The following SETD1B variants were observed in gnomAD, a reference collection of about 807,000 sequenced individuals.
The protein encoded by SETD1B is SET domain containing 1B, histone lysine methyltransferase, also known as histone-lysine N-methyltransferase SETD1B.
A neutral mutation model predicts 148.0 loss-of-function variants in SETD1B; 7 were observed. That is an observed-to-expected ratio of 0.05 (90% CI 0.03 to 0.09). SETD1B has a LOEUF of 0.09. Ranked by LOEUF, SETD1B falls within the 10% of genes least tolerant of loss-of-function variation. The pLI, the probability that SETD1B is intolerant of heterozygous loss-of-function variation, is 1.00. For synonymous variants in SETD1B, 1,361 were observed against 1,186.5 expected (o/e 1.15, Z -3.02); for missense variants, 2,155 against 2,729.9 (o/e 0.79, Z 4.69).
In SETD1B at chr12:121,809,585, ATC is replaced by A. The variant is rs1204122564; in HGVS notation, c.658-14_658-13del. On this transcript the variant is annotated splice_polypyrimidine_tract_variant and intron_variant, in intron 5 of 16. Coordinates refer to ENST00000604567, the MANE Select transcript of SETD1B (RefSeq NM_001353345.2). Reference sequence around the variant, plus strand: ...GCATGTTTTCCCCCAGTGGTCTGACATCTCTGTCTCTCCTTAGCTGTCAGATG... The same window carrying A: ...GCATGTTTTCCCCCAGTGGTCTGACATCTGTCTCTCCTTAGCTGTCAGATG... The A allele has an allele frequency of 1.3e-6, 2 of 1,526,288 alleles. No individual in the cohort carries two copies. Among genetic ancestry groups the A allele is most frequent in the African/African-American group, 2.8e-5 (2 of 72,416 alleles). 94.5% of individuals were successfully genotyped at this position (1,526,288 alleles called of 1,614,324 possible).
Position 121,817,056 on chromosome 12 carries a change from G to A in SETD1B, c.2739G>A (p.Ser913=), listed in dbSNP as rs1210009049. ...AGGCCTCGCTGACCCCGGTGAAGTCGGGCGAGCACAAGGACGAGGACAGGC... is the reference window on the plus strand; with the variant it reads ...AGGCCTCGCTGACCCCGGTGAAGTCAGGCGAGCACAAGGACGAGGACAGGC... ...MAKASLTPVK[S]GEHKDEDRPK... is the part of the protein sequence containing the mutation. The change falls in exon 8 of 17, where the codon TCG becomes TCA. Residue 913 remains serine (S), a synonymous_variant. Coordinates refer to ENST00000604567, the MANE Select transcript of SETD1B (RefSeq NM_001353345.2). The surrounding 1 kb of genome is among the most constrained non-coding windows in gnomAD (Gnocchi z 8.1). 5.9e-6 allele frequency: 9 copies of A among 1,532,360 alleles called. No individual in the cohort carries two copies. The highest frequency in any genetic ancestry group is 4.9e-5 in the East Asian group (2 of 40,480). The allele number at this position is 1,532,360 out of a possible 1,614,324, so 94.9% of individuals were successfully genotyped here. A position where few individuals can be genotyped will look rare whatever the true frequency, so the allele number is the denominator to read the frequency against.
rs959570677 is a variant in SETD1B at position 121,817,859 on chromosome 12, G to C, written c.3373G>C (p.Ala1125Pro). 1.9e-6 allele frequency: 3 copies of C among 1,551,018 alleles called. No homozygotes were observed. The African/African-American group carries it at 4.1e-5, about 21-fold the overall frequency. Residue 1125 changes from alanine (A) to proline (P), a missense_variant, in exon 10 of 17, where the codon GCC (alanine) becomes CCC (proline). By Grantham distance (27) the Ala-to-Pro change is conservative (BLOSUM62 -1). Transcript: ENST00000604567. The surrounding 1 kb of genome is among the most constrained non-coding windows in gnomAD (Gnocchi z 8.1). ...GTCTGAGAACGATGACGAGGACACA[G>C]CCCTGTCAGAGGCGAGTGAGAAGGA... ...DESENDDEDT[A>P]LSEASEKDEG...
At chr12:121,821,252 C>T (rs1195995161) in intron 11 of SETD1B, among the ~76,000 whole-genome samples, 1 of 152,084 alleles carries the variant, frequency 6.6e-6, no homozygotes, top group Non-Finnish European at 1.5e-5. Context: ...TCTGCTCCCA[C>T]GGAGCAGGGG....
chr12:121,793,986 G>C, the SETD1B span: 1 of 206,354 alleles, frequency 4.8e-6, no homozygotes, highest in African/African-American at 2.3e-5. Flanking sequence ...TGATTAGCAG[G>C]CTCCGCCTTC....
intron 13 of SETD1B, 119 bp from the exon 14 acceptor site, chr12:121,827,400 T>G (rs929867716): frequency 4.0e-6 from 5 of 1,261,246 alleles, no homozygotes; most frequent in Non-Finnish European, 4.2e-6. Flanking sequence ...GACCGACAGG[T>G]GTGGAGAAGC....
chr12:121,797,470 G>C, the SETD1B span: 2 of 456,512 alleles, frequency 4.4e-6, no homozygotes, highest in Admixed American at 4.7e-5. Flanking sequence ...AGAGGTGATG[G>C]TGGGGGGACA....
chr12:121,798,207 AC>A, the SETD1B span, among the ~76,000 whole-genome samples: 23 of 152,202 alleles, frequency 1.5e-4, no homozygotes, highest in Non-Finnish European at 3.1e-4. Flanking sequence ...TTGGGGAGTC[AC>A]TTCTCCCCGG....
Position 121,827,658 on chromosome 12 carries a change from C to T in SETD1B, c.5469+8C>T, listed in dbSNP as rs747323385. ...AAGTTCAACCAGCTCAAGGTGAGGC[C>T]GGGCTTCACCCAGATCGCCGGGGTG... On this transcript the variant is annotated splice_region_variant and intron_variant, in intron 14 of 16. Coordinates refer to ENST00000604567, the MANE Select transcript of SETD1B (RefSeq NM_001353345.2). 103 of 1,551,562 alleles carry T rather than the reference C, an allele frequency of 6.6e-5. 1 individual carries two copies. The highest frequency in any genetic ancestry group is 1.6e-4 in the Admixed American group (8 of 51,008).
the SETD1B span, among the ~76,000 whole-genome samples, chr12:121,791,599 AT>A: frequency 2.0e-5 from 3 of 152,084 alleles, no homozygotes; most frequent in Non-Finnish European, 4.4e-5. Context: ...CTTAGCACAA[AT>A]TCTTCCTACA....
rs1221941974 is a variant in SETD1B at position 121,810,226 on chromosome 12, G to C, written c.1281G>C (p.Glu427Asp). Residue 427 changes from glutamate to aspartate, a missense_variant, in exon 6 of 17, where the codon GAG becomes GAC. By Grantham distance (45) the Glu-to-Asp change is conservative (BLOSUM62 2). This residue lies in a region of SETD1B where 376 missense variants were observed against 385.0 expected (regional missense o/e 0.98). Coordinates refer to ENST00000604567, the MANE Select transcript of SETD1B (RefSeq NM_001353345.2). This position sits in a 1 kb window ranked among gnomAD's most constrained non-coding sequence, Gnocchi z 7.6. The stretch of plus-strand genomic sequence containing the variant: ...CTTTTGGGGCCCGCGACAGTGGGGA[G>C]TTCCGGAGGGCACCGGCGCCCCCAC... ...TAAFGARDSG[E>D]FRRAPAPPPL... 3.9e-6 allele frequency: 6 copies of C among 1,548,654 alleles called. No homozygotes were observed. The highest frequency in any genetic ancestry group is 4.4e-6 in the Non-Finnish European group (5 of 1,146,852).
At chr12:121,821,401 T>G (rs989206279) in intron 11 of SETD1B, among the ~76,000 whole-genome samples, 19 of 147,106 alleles carry the variant, frequency 1.3e-4, no homozygotes, top group Non-Finnish European at 2.7e-4. Context: ...CGTGCCACAC[T>G]GCACTCCAGC....
chr12:121,793,336 A>C, the SETD1B span: 3 of 1,438,072 alleles, frequency 2.1e-6, no homozygotes, highest in South Asian at 3.7e-5. Context: ...GTCCCGGATC[A>C]GCCCCCCCTC....
chr12:121,794,447 G>A, the SETD1B span: 4 of 152,312 alleles, frequency 2.6e-5, no homozygotes, highest in African/African-American at 7.2e-5. Flanking sequence ...AACCACGCAA[G>A]ACGTCGTCAG....
Position 121,819,426 on chromosome 12 carries a change from C to T in SETD1B, c.3441C>T (p.Thr1147=), listed in dbSNP as rs1235667734. ...SDEEETVSIV[T]SKAEATSSSE... ...CAGAGGAGACAGTGAGCATTGTAAC[C>T]TCCAAGGCCGAAGCCACGTCGTCCA... The change falls in exon 11 of 17, where the codon ACC becomes ACT. Residue 1147 remains threonine (T), a synonymous_variant. Transcript: ENST00000604567. 5.8e-6 allele frequency: 9 copies of T among 1,551,712 alleles called. No individual in the cohort carries two copies. Among genetic ancestry groups the T allele is most frequent in the Admixed American group, 2.0e-5 (1 of 50,966 alleles).
intron 11 of SETD1B, among the ~76,000 whole-genome samples, chr12:121,820,651 A>C (rs1365630347): frequency 1.3e-5 from 2 of 152,128 alleles, no homozygotes; most frequent in Non-Finnish European, 2.9e-5. Flanking sequence ...CTCCTGCCTC[A>C]GCCTCCAGAG....
At chr12:121,827,698 G>C in intron 14 of SETD1B, 37 bp from the exon 15 acceptor site, 1 of 1,551,698 alleles carries the variant, frequency 6.4e-7, no homozygotes. Context: ...CAGGACCTGA[G>C]ACCGGGGCTC....
chr12:121,806,201 T>G, intron 4 of SETD1B, 96 bp downstream of exon 4: 1 of 1,324,264 alleles, frequency 7.6e-7, no homozygotes, highest in Non-Finnish European at 1.0e-6. Flanking sequence ...CCCCTCACTC[T>G]TCCTTGGGAT....
At chr12:121,793,470 C>T in the SETD1B span, 2 of 1,538,738 alleles carry the variant, frequency 1.3e-6, no homozygotes, top group African/African-American at 2.7e-5. Context: ...CCCTCGCCCC[C>T]ACCCCAGCCC....
Position 121,810,355 on chromosome 12 carries a change from C to T in SETD1B, c.1410C>T (p.Phe470=), listed in dbSNP as rs559808823. 21 of 1,547,038 alleles carry T rather than the reference C, an allele frequency of 1.4e-5. No homozygotes were observed. Among genetic ancestry groups the T allele is most frequent in the Middle Eastern group, 1.7e-4 (1 of 5,992 alleles). The change falls in exon 6 of 17, where the codon TTC becomes TTT. Residue 470 remains phenylalanine (F), a synonymous_variant. Coordinates refer to ENST00000604567, the MANE Select transcript of SETD1B (RefSeq NM_001353345.2). This position sits in a 1 kb window ranked among gnomAD's most constrained non-coding sequence, Gnocchi z 7.6. Reference sequence around the variant, plus strand: ...TGGAGCTGGGCGGCCGGCCCACCTTCGGCTGGAGTCCTGAGCCCTGTGACA... The same window carrying T: ...TGGAGCTGGGCGGCCGGCCCACCTTTGGCTGGAGTCCTGAGCCCTGTGACA... The part of the protein sequence containing the change: ...NSMELGGRPT[F]GWSPEPCDSP...
Sources: gnomAD v4.1 joint callset for allele counts (sites outside exome capture counted in the v4.1 genomes callset) on GRCh38, gnomAD v4.1.1 for gene constraint, gnomAD v4.1.1 regional missense constraint, Gnocchi (gnomAD v3.1) non-coding constraint, MANE v1.5 for transcripts, NCBI Gene and HGNC (gene_info 2026-07-23, HGNC 2026-07-21) for gene names.